PRKCQ: variants seen among roughly 807,000 people sequenced by gnomAD.
PRKCQ encodes the protein protein kinase C theta type.
A neutral mutation model predicts 91.2 loss-of-function variants in PRKCQ; 41 were observed. The observed-to-expected ratio is 0.45, with a 90% confidence interval of 0.35 to 0.58. PRKCQ has a LOEUF of 0.58. Among genes scored for constraint, PRKCQ ranks in the 20% least tolerant of loss-of-function variants. PRKCQ has a pLI of 0.00. For missense variants in PRKCQ, 673 were observed against 896.5 expected, an observed-to-expected ratio of 0.75 and a Z score of 3.18; for synonymous variants, 307 against 316.9, an observed-to-expected ratio of 0.97 and a Z score of 0.33.
the PRKCQ span, among the ~76,000 whole-genome samples, chr10:6,414,511 A>C: frequency 6.6e-6 from 1 of 152,224 alleles, no homozygotes. Context: ...TGACACAGAT[A>C]ATAAAATTAA....
chr10:6,550,869 CT>C (rs1210246693), intron 1 of PRKCQ, among the ~76,000 whole-genome samples: 1 of 152,210 alleles, frequency 6.6e-6, no homozygotes, highest in Non-Finnish European at 1.5e-5. Context: ...TTCACCAACA[CT>C]TGTTATTTTT....
chr10:6,423,213 G>C (rs982113865), downstream of PRKCQ, among the ~76,000 whole-genome samples: 1 of 152,184 alleles, frequency 6.6e-6, no homozygotes, highest in African/African-American at 2.4e-5. Context: ...AAAAGCCCTA[G>C]AGCAGGAGCA....
At chr10:6,400,555 C>T in the PRKCQ span, among the ~76,000 whole-genome samples, 3 of 151,970 alleles carry the variant, frequency 2.0e-5, no homozygotes, top group African/African-American at 2.4e-5. Flanking sequence ...ATCCCACGTC[C>T]CGTGTCTCGG....
the PRKCQ span, among the ~76,000 whole-genome samples, chr10:6,420,606 T>A: frequency 6.6e-6 from 1 of 152,208 alleles, no homozygotes; most frequent in African/African-American, 2.4e-5. Flanking sequence ...GAGAAATTGG[T>A]TGTCTGAAAA....
At chr10:6,501,188 A>C (rs991365229) in intron 4 of PRKCQ, among the ~76,000 whole-genome samples, 1 of 152,176 alleles carries the variant, frequency 6.6e-6, no homozygotes, top group Non-Finnish European at 1.5e-5. Context: ...TAAGAATAGA[A>C]GTAGAAGGGA....
rs575245966 is a variant in PRKCQ at position 6,450,509 on chromosome 10, T to A, written c.1647+6165A>T. ...GACTTTTAACACCCCACTGTCAACATTAGACAGATCAATGAGACAGAAAGT... is the reference window on the plus strand; with the variant it reads ...GACTTTTAACACCCCACTGTCAACAATAGACAGATCAATGAGACAGAAAGT... On this transcript the variant is annotated intron_variant, in intron 15 of 17. Coordinates refer to ENST00000263125, the MANE Select transcript of PRKCQ (RefSeq NM_006257.5). 4.6e-5 allele frequency among the ~76,000 whole-genome samples: 7 copies of A among 152,260 alleles called. No homozygotes were observed. In the East Asian group the frequency reaches 1.4e-3, roughly 29 times the overall value.
the PRKCQ span, among the ~76,000 whole-genome samples, chr10:6,408,046 GTTTTTTTT>G: frequency 2.0e-4 from 17 of 84,226 alleles, no homozygotes; most frequent in African/African-American, 8.4e-4. Context: ...TCTTGTGTCA[GTTTTTTTT>G]TTTTTTTTTT....
chr10:6,489,611 C>CG (rs1359460292), intron 8 of PRKCQ: 1 of 392,424 alleles, frequency 2.5e-6, no homozygotes, highest in Non-Finnish European at 5.2e-6. Context: ...AAGGAGGACG[C>CG]GGGGGCATGC....
intron 16 of PRKCQ, 29 bp downstream of exon 16, chr10:6,441,864 A>G (rs1833988614): frequency 1.3e-6 from 2 of 1,572,468 alleles, no homozygotes; most frequent in Non-Finnish European, 1.7e-6. Context: ...TGCTCGTCTT[A>G]TGAAGACGCT....
intron 1 of PRKCQ, among the ~76,000 whole-genome samples, chr10:6,547,320 T>C (rs1352178598): frequency 1.3e-5 from 2 of 151,926 alleles, no homozygotes; most frequent in African/African-American, 2.4e-5. Context: ...AGGTAATTTA[T>C]AGATTCAATG....
At chr10:6,445,829 G>A (rs1371037689) in intron 15 of PRKCQ, among the ~76,000 whole-genome samples, 1 of 152,238 alleles carries the variant, frequency 6.6e-6, no homozygotes, top group African/African-American at 2.4e-5. Context: ...TGCTCAATTT[G>A]CTGGGCCAGG....
intron 12 of PRKCQ, among the ~76,000 whole-genome samples, chr10:6,467,331 C>A (rs1448361416): frequency 1.9e-5 from 2 of 107,172 alleles, no homozygotes; most frequent in Admixed American, 9.8e-5. Flanking sequence ...CAGAGAGAGA[C>A]AGACAGAGAG....
intron 1 of PRKCQ, among the ~76,000 whole-genome samples, chr10:6,535,315 C>T (rs1273287397): frequency 6.6e-6 from 1 of 152,136 alleles, no homozygotes; most frequent in African/African-American, 2.4e-5. Flanking sequence ...TTCCTGTTTC[C>T]AAGAATCCTC....
intron 10 of PRKCQ, 106 bp from the exon 11 acceptor site, chr10:6,483,706 C>T (rs1019263682): frequency 7.5e-7 from 1 of 1,337,566 alleles, no homozygotes; most frequent in Non-Finnish European, 1.0e-6. Context: ...GAGGCTCCAT[C>T]ATAGTAATTG....
At chr10:6,408,255 G>C in the PRKCQ span, among the ~76,000 whole-genome samples, 14 of 152,116 alleles carry the variant, frequency 9.2e-5, no homozygotes, top group Admixed American at 4.6e-4. Flanking sequence ...GGTGTACTTT[G>C]ACATATTATT....
At position 6,437,652 on chromosome 10, in the gene PRKCQ, T is replaced by A. The variant is rs1833766683; in HGVS notation, c.1836+4241A>T. 2.2e-5 allele frequency among the ~76,000 whole-genome samples: 3 copies of A among 138,364 alleles called. 1 individual carries two copies. In the South Asian group the frequency reaches 7.7e-4, roughly 36 times the overall value. 90.8% of individuals were successfully genotyped at this position (138,364 alleles called of 152,430 possible). ...CAGATCCCACTAACTTATTATTTTT[T>A]TTATTTTTTATTTTTTTGAGATGGA... On this transcript the variant is annotated intron_variant, in intron 16 of 17. Transcript: ENST00000263125.
chr10:6,430,429 G>A lies in PRKCQ; in HGVS notation c.1965+381C>T, dbSNP rs777027533. Among the ~76,000 whole-genome samples the A allele has an allele frequency of 6.6e-6, 1 of 152,146 alleles. No homozygotes were observed. Among genetic ancestry groups the A allele is most frequent in the Non-Finnish European group, 1.5e-5 (1 of 68,026 alleles). On this transcript the variant is annotated intron_variant, in intron 17 of 17. Coordinates refer to ENST00000263125, the MANE Select transcript of PRKCQ (RefSeq NM_006257.5). This position sits in a 1 kb window ranked among gnomAD's most constrained non-coding sequence, Gnocchi z 4.7. ...AAACAGCTCCAAAATTCCTGACGTA[G>A]GATGCAGGGTTTATGTCCAAGTTTG...
the PRKCQ span, among the ~76,000 whole-genome samples, chr10:6,415,739 T>A: frequency 1.3e-5 from 1 of 75,890 alleles, no homozygotes. Flanking sequence ...TTTCTCTCTC[T>A]CTCTCTCTTT....
chr10:6,446,939 C>G (rs190344208), intron 15 of PRKCQ, among the ~76,000 whole-genome samples: 1 of 152,314 alleles, frequency 6.6e-6, no homozygotes, highest in Admixed American at 6.5e-5. Flanking sequence ...CAGGTCTGGA[C>G]AGGCGGGGCT....
Sources: gnomAD v4.1 joint callset for allele counts (sites outside exome capture counted in the v4.1 genomes callset) on GRCh38, gnomAD v4.1.1 for gene constraint, Gnocchi (gnomAD v3.1) non-coding constraint, MANE v1.5 for transcripts, NCBI Gene and HGNC (gene_info 2026-07-23, HGNC 2026-07-21) for gene names.